Variants in KCNG3 observed in about 807,000 individuals in gnomAD.
KCNG3 encodes the protein voltage-gated potassium channel regulatory subunit KCNG3.
KCNG3 carries 15 observed loss-of-function variants against 29.0 expected under a neutral mutation model. The observed-to-expected ratio is 0.52, with a 90% confidence interval of 0.35 to 0.80. KCNG3 has a LOEUF of 0.80. KCNG3 is among the 30% of genes least tolerant of loss of function. KCNG3 has a pLI of 0.01. For synonymous variants in KCNG3, 322 were observed against 248.9 expected, an observed-to-expected ratio of 1.29 and a Z score of -2.76; for missense variants, 512 against 605.7, an observed-to-expected ratio of 0.85 and a Z score of 1.62.
At chr2:42,492,720 G>GC (rs112592817) in intron 1 of KCNG3, 117 bp downstream of exon 1, 1,013,231 of 1,013,524 alleles carry the variant, frequency 1, 506,472 homozygotes, top group Middle Eastern at 1. Context: ...GCCTCGCTGG[G>GC]CGCGCACCCC....
chr2:42,477,490 C>T (rs1231346760), intron 1 of KCNG3, among the ~76,000 whole-genome samples: 1 of 142,184 alleles, frequency 7.0e-6, no homozygotes, highest in Non-Finnish European at 1.5e-5. Flanking sequence ...TGCAGTGGCG[C>T]AATCTCGGCT....
At chr2:42,417,644 G>A in the KCNG3 span, among the ~76,000 whole-genome samples, 2 of 152,066 alleles carry the variant, frequency 1.3e-5, no homozygotes, top group Non-Finnish European at 2.9e-5. Context: ...AGAAAATTAC[G>A]TGCTCATTGT....
chr2:42,465,423 C>T (rs1673119086), intron 1 of KCNG3, among the ~76,000 whole-genome samples: 1 of 151,952 alleles, frequency 6.6e-6, no homozygotes, highest in South Asian at 2.1e-4. Flanking sequence ...CACCATGTTG[C>T]CCAGGCTGGT....
chr2:42,471,180 G>GTGTGTC (rs1553329821), intron 1 of KCNG3, among the ~76,000 whole-genome samples: 499 of 151,052 alleles, frequency 3.3e-3, no homozygotes, highest in African/African-American at 0.012. Context: ...GTGTGTGTGT[G>GTGTGTC]TGTGTATATA....
the KCNG3 span, among the ~76,000 whole-genome samples, chr2:42,428,524 A>T: frequency 6.6e-6 from 1 of 151,544 alleles, no homozygotes; most frequent in Admixed American, 6.6e-5. Flanking sequence ...CCTCTACCAA[A>T]CTCTCAGTGA....
intron 1 of KCNG3, among the ~76,000 whole-genome samples, chr2:42,483,316 C>CA (rs1348260656): frequency 2.6e-5 from 4 of 152,128 alleles, no homozygotes; most frequent in African/African-American, 9.7e-5. Context: ...CAGTATCTAT[C>CA]AAAAAATGTT....
At chr2:42,409,684 A>C in the KCNG3 span, among the ~76,000 whole-genome samples, 1 of 133,286 alleles carries the variant, frequency 7.5e-6, no homozygotes, top group Non-Finnish European at 1.6e-5. Context: ...AGCCTGGGTG[A>C]CAGAGTGCCT....
At chr2:42,479,449 G>A (rs1432328746) in intron 1 of KCNG3, among the ~76,000 whole-genome samples, 1 of 151,760 alleles carries the variant, frequency 6.6e-6, no homozygotes, top group African/African-American at 2.4e-5. Flanking sequence ...TTTGAGACCA[G>A]TTCTGGGCAA....
the KCNG3 span, among the ~76,000 whole-genome samples, chr2:42,432,145 T>C: frequency 2.6e-5 from 4 of 152,196 alleles, no homozygotes; most frequent in South Asian, 2.1e-4. Context: ...CAAGGCCCGT[T>C]GATGGTCATC....
At chr2:42,484,211 T>C (rs747028618) in intron 1 of KCNG3, among the ~76,000 whole-genome samples, 3 of 152,058 alleles carry the variant, frequency 2.0e-5, no homozygotes, top group Non-Finnish European at 4.4e-5. Context: ...CCTGTAATCC[T>C]AGCATTTTGG....
In KCNG3 at chr2:42,493,062, G is replaced by A; in HGVS notation, c.440C>T (p.Ala147Val). The change falls in exon 1 of 2, where the codon GCG (alanine) becomes GTG (valine). Residue 147 changes from alanine to valine, a missense_variant. This residue lies in a region of KCNG3 where 228 missense variants were observed against 200.0 expected (regional missense o/e 1.14). Transcript: ENST00000306078. ...RDEARPGGAEAAPSRRWLERM... is the reference protein window; with the variant it reads ...RDEARPGGAEVAPSRRWLERM... The stretch of plus-strand genomic sequence containing the variant: ...CTCCAGCCAGCGCCTGGAGGGAGCC[G>A]CCTCGGCCCCGCCGGGGCGCGCCTC... 1 of 1,532,584 alleles carries A rather than the reference G, an allele frequency of 6.5e-7. No homozygotes were observed. The highest frequency in any genetic ancestry group is 1.4e-5 in the African/African-American group (1 of 72,126). 94.9% of individuals were successfully genotyped at this position (1,532,584 alleles called of 1,614,324 possible).
the KCNG3 span, among the ~76,000 whole-genome samples, chr2:42,395,797 T>A: frequency 2.0e-5 from 3 of 146,438 alleles, no homozygotes; most frequent in African/African-American, 5.0e-5. Context: ...TTATAAAAAA[T>A]TTTAAAATTA....
At position 42,493,385 on chromosome 2, in the gene KCNG3, G is replaced by C; in HGVS notation, c.117C>G (p.His39Gln). The C allele has an allele frequency of 1.3e-6, 2 of 1,538,044 alleles. No homozygotes were observed. Among genetic ancestry groups the C allele is most frequent in the Non-Finnish European group, 1.7e-6 (2 of 1,143,350 alleles). Residue 39 changes from histidine to glutamine, a missense_variant, in exon 1 of 2, where the codon CAC becomes CAG. Transcript: ENST00000306078. ...GCACGTCGCGCTCGGAGCGGCAGCC[G>C]TGCAGCCGGCTCACGCGGCGCAGCG... ...DFPLRRVSRL[H>Q]GCRSERDVLE...
chr2:42,412,648 C>T, the KCNG3 span, among the ~76,000 whole-genome samples: 2 of 152,148 alleles, frequency 1.3e-5, no homozygotes, highest in Admixed American at 1.3e-4. Context: ...AACCTTTGTG[C>T]ATATTTCTGC....
chr2:42,490,509 C>G (rs1673845515), intron 1 of KCNG3, among the ~76,000 whole-genome samples: 2 of 152,190 alleles, frequency 1.3e-5, no homozygotes, highest in African/African-American at 2.4e-5. Context: ...TGGTTTGTTT[C>G]CATCCTCCAC....
chr2:42,490,149 C>G (rs1206260094), intron 1 of KCNG3, among the ~76,000 whole-genome samples: 1 of 152,230 alleles, frequency 6.6e-6, no homozygotes, highest in Non-Finnish European at 1.5e-5. Flanking sequence ...CATCACTGGA[C>G]TCACGCTTCC....
At chr2:42,402,531 G>C in the KCNG3 span, among the ~76,000 whole-genome samples, 3 of 152,130 alleles carry the variant, frequency 2.0e-5, no homozygotes, top group African/African-American at 7.2e-5. Context: ...AAAAATAAAA[G>C]TTTTAAAGTT....
chr2:42,390,761 G>C, the KCNG3 span, among the ~76,000 whole-genome samples: 1 of 152,196 alleles, frequency 6.6e-6, no homozygotes, highest in Non-Finnish European at 1.5e-5. Context: ...CAAATAATCA[G>C]TGAGCTATTA....
intron 1 of KCNG3, among the ~76,000 whole-genome samples, chr2:42,487,343 CTTTCT>C (rs1311595297): frequency 3.9e-5 from 4 of 102,204 alleles, no homozygotes; most frequent in Non-Finnish European, 5.2e-5. Flanking sequence ...TTTTTTTTTT[CTTTCT>C]TTTTTTTTTT....
Sources: allele counts gnomAD v4.1 joint callset (sites outside exome capture counted in the v4.1 genomes callset), GRCh38; gene constraint gnomAD v4.1.1; regional missense constraint gnomAD v4.1.1; transcripts MANE v1.5; gene names NCBI Gene and HGNC (gene_info 2026-07-23, HGNC 2026-07-21).